Variants in FIBP observed in about 807,000 individuals in gnomAD.
FIBP encodes FGF1 intracellular binding protein, also known as acidic fibroblast growth factor intracellular-binding protein.
Under a neutral mutation model 40.5 loss-of-function variants are expected in FIBP, and 29 were observed. That is an observed-to-expected ratio of 0.72 (90% CI 0.53 to 0.98). The LOEUF (loss-of-function observed/expected upper bound fraction) is 0.98, where lower values mean the gene tolerates loss of function less well. Ranked by LOEUF, FIBP falls within the 50% of genes least tolerant of loss-of-function variation. The pLI is 0.00. For missense variants in FIBP, 411 were observed against 470.2 expected (o/e 0.87, Z 1.16); for synonymous variants, 215 against 191.1 (o/e 1.13, Z -1.03).
chr11:65,884,176 C>G (rs1860165628), intron 9 of FIBP, 133 bp from the exon 10 acceptor site: 2 of 814,064 alleles, frequency 2.5e-6, no homozygotes, highest in Non-Finnish European at 2.0e-6. Flanking sequence ...ATGATGAACC[C>G]TAGTTTGTAC....
Position 65,885,199 on chromosome 11 carries a change from G to C in FIBP, c.647-13C>G. On this transcript the variant is annotated splice_polypyrimidine_tract_variant and intron_variant, in intron 5 of 9. Transcript: ENST00000357519. Reference sequence around the variant, plus strand: ...TCCATCTGTGAGTCTGTGAGGCCATGAAGGGGGTGGGGGTGGGTGATAAAA... The same window carrying C: ...TCCATCTGTGAGTCTGTGAGGCCATCAAGGGGGTGGGGGTGGGTGATAAAA... 1 of 1,025,752 alleles carries C rather than the reference G, an allele frequency of 9.7e-7. No homozygotes were observed. The highest frequency in any genetic ancestry group is 1.5e-6 in the Non-Finnish European group (1 of 654,384). The allele number at this position is 1,025,752 out of a possible 1,614,324, so 63.5% of individuals were successfully genotyped here.
At chr11:65,885,949 C>T (rs1860224452) in intron 4 of FIBP, 2 of 453,876 alleles carry the variant, frequency 4.4e-6, no homozygotes, top group East Asian at 7.5e-5. Flanking sequence ...ACATATGGTA[C>T]CTCTCAACAG....
chr11:65,885,502 C>T (rs1374696947), intron 5 of FIBP, 28 bp downstream of exon 5: 6 of 1,603,598 alleles, frequency 3.7e-6, no homozygotes, highest in Non-Finnish European at 4.3e-6. Context: ...GGGAGGCGTC[C>T]AGGCACCTGG....
At chr11:65,886,008 C>T (rs1157036485) in intron 4 of FIBP, 1 of 449,868 alleles carries the variant, frequency 2.2e-6, no homozygotes, top group East Asian at 4.0e-5. Flanking sequence ...TCAGTCTGGT[C>T]CAAAGTACAG....
Position 65,887,446 on chromosome 11 carries a change from G to GAAA in FIBP, c.411+151_411+153dup, listed in dbSNP as rs35947009. The GAAA allele has an allele frequency of 1.0e-3, 635 of 635,964 alleles. 1 individual carries two copies. The highest frequency in any genetic ancestry group is 1.8e-3 in the East Asian group (55 of 31,194). 39.4% of individuals were successfully genotyped at this position (635,964 alleles called of 1,614,324 possible). ...GGGCCACAGAGCAAGACTCCATCTCGAAAAAAAAAAAAAAAAAGGAGGGGA... is the reference window on the plus strand; with the variant it reads ...GGGCCACAGAGCAAGACTCCATCTCGAAAAAAAAAAAAAAAAAAAAGGAGGGGA... On this transcript the variant is annotated intron_variant, in intron 3 of 9. Coordinates refer to ENST00000357519, the MANE Select transcript of FIBP (RefSeq NM_004214.5).
Position 65,884,982 on chromosome 11 carries a change from G to A in FIBP, c.772C>T (p.Leu258Phe). 1 of 1,614,186 alleles carries A rather than the reference G, an allele frequency of 6.2e-7. No individual in the cohort carries two copies. Among genetic ancestry groups the A allele is most frequent in the South Asian group, 1.1e-5 (1 of 91,086 alleles). ...DLHKSLVCTALRGKLGVFSEM... is the reference protein window; with the variant it reads ...DLHKSLVCTAFRGKLGVFSEM... ...GAGAAGACGCCCAGCTTTCCCCGGA[G>A]AGCAGTGCACACCAGGCTGCAGAGA... The change falls in exon 7 of 10, where the codon CTC becomes TTC. Residue 258 changes from leucine to phenylalanine, a missense_variant. Transcript: ENST00000357519.
chr11:65,887,248 C>T (rs1161281377), intron 3 of FIBP: 2 of 360,278 alleles, frequency 5.6e-6, no homozygotes, highest in Non-Finnish European at 1.1e-5. Flanking sequence ...GAGTTCAAGA[C>T]AAGCCTGGCC....
rs778501484 is a variant in FIBP at position 65,888,099 on chromosome 11, C to G, written c.119G>C (p.Gly40Ala). ...TDAVALRVRS[G>A]ILEQTGATAA... ...CGTGGCGCCAGTCTGCTCCAGGATTCCCGAGCGCACCCGCAGGGCCACCGC... is the reference window on the plus strand; with the variant it reads ...CGTGGCGCCAGTCTGCTCCAGGATTGCCGAGCGCACCCGCAGGGCCACCGC... Residue 40 changes from glycine (G) to alanine (A), a missense_variant, in exon 2 of 10, where the codon GGA (glycine) becomes GCA (alanine). Physicochemically the swap from Gly to Ala is moderately conservative, Grantham distance 60 (BLOSUM62 0). Coordinates refer to ENST00000357519, the MANE Select transcript of FIBP (RefSeq NM_004214.5). 10 of 1,591,964 alleles carry G rather than the reference C, an allele frequency of 6.3e-6. No homozygotes were observed. In the African/African-American group the frequency reaches 1.1e-4, roughly 17 times the overall value.
rs1860207287 is a variant in FIBP at position 65,885,325 on chromosome 11, C to T, written c.647-139G>A. 2 of 918,738 alleles carry T rather than the reference C, an allele frequency of 2.2e-6. 1 individual carries two copies. Among genetic ancestry groups the T allele is most frequent in the Non-Finnish European group, 3.4e-6 (2 of 580,436 alleles). 56.9% of individuals were successfully genotyped at this position (918,738 alleles called of 1,614,324 possible). On this transcript the variant is annotated intron_variant, in intron 5 of 9. Transcript: ENST00000357519. ...GTGTCAGAGAGATGGAGTGACATGC[C>T]CCAGGCCACAGAGAGGCAATGGGCC...
rs371376451 is a variant in FIBP, at chr11:65,884,442, C to G, written c.954G>C (p.Arg318=). Residue 318 remains arginine, a synonymous_variant, in exon 9 of 10, where the codon CGG becomes CGC. Transcript: ENST00000357519. ...RSDHWPLSDV[R]FFLNQYSASV... The stretch of plus-strand genomic sequence containing the variant: ...ACGCTGAATACTGATTCAGGAAGAA[C>G]CGCACGTCGCTGAGTGGCCAGTGGT... 7.4e-6 allele frequency: 12 copies of G among 1,614,166 alleles called. No homozygotes were observed. Among genetic ancestry groups the G allele is most frequent in the Non-Finnish European group, 8.5e-6 (10 of 1,180,022 alleles).
rs369187767 is a variant in FIBP at position 65,887,714 on chromosome 11, A to G, written c.297T>C (p.Phe99=). 38 of 1,614,034 alleles carry G rather than the reference A, an allele frequency of 2.4e-5. No individual in the cohort carries two copies. The African/African-American group carries it at 4.4e-4, about 19-fold the overall frequency. Residue 99 remains phenylalanine, a synonymous_variant, in exon 3 of 10, where the codon TTT becomes TTC. Coordinates refer to ENST00000357519, the MANE Select transcript of FIBP (RefSeq NM_004214.5). Reference sequence around the variant, plus strand: ...GCACCTCCCGAACAAAGGCCTCATCAAAGGCATAGTACCTTGTGGAGTCAG... The same window carrying G: ...GCACCTCCCGAACAAAGGCCTCATCGAAGGCATAGTACCTTGTGGAGTCAG... ...QALLIERYYA[F]DEAFVREVLG...
chr11:65,888,462 G>C lies in FIBP; in HGVS notation c.-44C>G. On this transcript the variant is annotated 5_prime_UTR_variant, in exon 1 of 10. Coordinates refer to ENST00000357519, the MANE Select transcript of FIBP (RefSeq NM_004214.5). ...AGCGCCCCGAGCAGGAGCGAGCACT[G>C]CTCGGGACTGGCGCGCCGCCTTCAG... The C allele has an allele frequency of 6.8e-7, 1 of 1,478,380 alleles. No homozygotes were observed. The highest frequency in any genetic ancestry group is 1.2e-5 in the South Asian group (1 of 82,756). 91.6% of individuals were successfully genotyped at this position (1,478,380 alleles called of 1,614,324 possible).
chr11:65,888,331 G>T lies in FIBP; in HGVS notation c.85+3C>A. 6.4e-7 allele frequency: 1 copy of T among 1,551,698 alleles called. No individual in the cohort carries two copies. Among genetic ancestry groups the T allele is most frequent in the Non-Finnish European group, 8.7e-7 (1 of 1,147,238 alleles). On this transcript the variant is annotated splice_donor_region_variant and intron_variant, in intron 1 of 9. Transcript: ENST00000357519. The stretch of plus-strand genomic sequence containing the variant: ...CTGGCTTCCCCACACGCCCCTCACG[G>T]ACCCGAGTAACCATCGAGCCAGAGG...
intron 9 of FIBP, 68 bp from the exon 10 acceptor site, chr11:65,884,111 G>A (rs1361748070): frequency 2.3e-5 from 29 of 1,280,036 alleles, no homozygotes; most frequent in Non-Finnish European, 2.9e-5. Context: ...CCTGCCCTGC[G>A]TGCTTTCTAC....
chr11:65,884,790 T>C (rs1262979660), intron 7 of FIBP, 134 bp from the exon 8 acceptor site: 2 of 1,307,574 alleles, frequency 1.5e-6, no homozygotes, highest in African/African-American at 2.9e-5. Context: ...CCCCATTGTT[T>C]ATGAGCTGCT....
rs1356105306 is a variant in FIBP, at chr11:65,885,348, G to T, written c.647-162C>A. The T allele has an allele frequency of 1.4e-5, 13 of 906,424 alleles. No individual in the cohort carries two copies. The Admixed American group carries it at 2.5e-4, about 17-fold the overall frequency. The allele number at this position is 906,424 out of a possible 1,614,324, so 56.1% of individuals were successfully genotyped here. On this transcript the variant is annotated intron_variant, in intron 5 of 9. Coordinates refer to ENST00000357519, the MANE Select transcript of FIBP (RefSeq NM_004214.5). The stretch of plus-strand genomic sequence containing the variant: ...GCCCCAGGCCACAGAGAGGCAATGG[G>T]CCCTTTGTCTGCAGACAAGGTGTGT...
rs757980306 is a variant in FIBP, at chr11:65,884,652, A to G, written c.824T>C (p.Leu275Pro). The change falls in exon 8 of 10, where the codon CTG becomes CCG. Residue 275 changes from leucine to proline, a missense_variant. Leu to Pro is a moderately conservative substitution (Grantham distance 98). Transcript: ENST00000357519. ...FSEMEANFKN[L>P]SRGLVNVAAK... is the part of the protein sequence containing the mutation. The stretch of plus-strand genomic sequence containing the variant: ...GGCCACGTTCACCAGCCCCCGGGAC[A>G]GGTTCTGTGGGGCAGGGATCCTTGG... 13 of 1,614,096 alleles carry G rather than the reference A, an allele frequency of 8.1e-6. No individual in the cohort carries two copies. The highest frequency in any genetic ancestry group is 1.3e-5 in the African/African-American group (1 of 75,062).
rs1459238252 is a variant in FIBP at position 65,886,322 on chromosome 11, C to T, written c.512G>A (p.Arg171Lys). ...GATGGGGAGGTGGCTAGCTCCTCAC[C>T]TGGCCAACCGGTCAGAGAGGAGGAA... The part of the protein sequence containing the change: ...QHFLLSDRLA[R>K]DYAAIVFFAN... Residue 171 changes from arginine (R) to lysine (K), a missense_variant and splice_region_variant, in exon 4 of 10, where the codon AGG becomes AAG. Arg to Lys is a conservative substitution (Grantham distance 26). Transcript: ENST00000357519. The T allele has an allele frequency of 1.2e-6, 2 of 1,611,600 alleles. No homozygotes were observed. Among genetic ancestry groups the T allele is most frequent in the Non-Finnish European group, 1.7e-6 (2 of 1,177,960 alleles).
At chr11:65,885,801 T>A in intron 4 of FIBP, 138 bp from the exon 5 acceptor site, 1 of 834,166 alleles carries the variant, frequency 1.2e-6, no homozygotes, top group Non-Finnish European at 1.9e-6. Flanking sequence ...CTCAAGTCAC[T>A]TCTCTATGAC....
Sources: gnomAD v4.1 joint callset for allele counts on GRCh38, gnomAD v4.1.1 for gene constraint, MANE v1.5 for transcripts, NCBI Gene and HGNC (gene_info 2026-07-23, HGNC 2026-07-21) for gene names.